ANKRD30A: variants seen among roughly 807,000 people sequenced by gnomAD.
The protein encoded by ANKRD30A is ankyrin repeat domain 30A.
A neutral mutation model predicts 166.3 loss-of-function variants in ANKRD30A; 170 were observed. The ratio of observed to expected loss-of-function variants is 1.02; its 90% CI spans 0.90 to 1.16. ANKRD30A has a LOEUF of 1.16. Ranked by LOEUF, ANKRD30A falls within the 50% of genes most tolerant of loss-of-function variation. The pLI, the probability that ANKRD30A is intolerant of heterozygous loss-of-function variation, is 0.00. For missense variants in ANKRD30A, 1,630 were observed against 1,518.0 expected (o/e 1.07, Z -1.23); for synonymous variants, 564 against 508.9 (o/e 1.11, Z -1.46).
chr10:37,158,014 G>A (rs1475972204), intron 13 of ANKRD30A, among the ~76,000 whole-genome samples: 1 of 151,850 alleles, frequency 6.6e-6, no homozygotes, highest in Non-Finnish European at 1.5e-5. Flanking sequence ...TCTCCCATTA[G>A]CTTAGTCATT....
intron 33 of ANKRD30A, among the ~76,000 whole-genome samples, chr10:37,218,470 T>C (rs1455648221): frequency 2.0e-5 from 3 of 150,928 alleles, no homozygotes; most frequent in Non-Finnish European, 3.0e-5. Context: ...TCTCAACTTA[T>C]CAAACATTCA....
the ANKRD30A span, among the ~76,000 whole-genome samples, chr10:37,245,788 AG>A: frequency 2.0e-5 from 3 of 152,192 alleles, no homozygotes; most frequent in African/African-American, 7.2e-5. Context: ...AAGGTCATGA[AG>A]TTTGCTGGCA....
At chr10:37,253,363 AATTT>A in the ANKRD30A span, among the ~76,000 whole-genome samples, 4 of 152,204 alleles carry the variant, frequency 2.6e-5, no homozygotes, top group African/African-American at 7.2e-5. Flanking sequence ...TATACCATAC[AATTT>A]ATTTAAAGTG....
At chr10:37,136,694 A>G in intron 6 of ANKRD30A, 23 bp downstream of exon 6, 1 of 1,324,312 alleles carries the variant, frequency 7.6e-7, no homozygotes. Flanking sequence ...ATAGTAAACT[A>G]CCCTTGGTGG....
chr10:37,214,540 G>GTA (rs140166249), intron 31 of ANKRD30A, among the ~76,000 whole-genome samples: 29,280 of 139,512 alleles, frequency 0.21, 2,945 homozygotes, highest in Middle Eastern at 0.26. Flanking sequence ...AGTTTTATAG[G>GTA]TATATATATA....
chr10:37,133,050 T>C (rs1478278414), intron 4 of ANKRD30A, among the ~76,000 whole-genome samples: 2 of 152,156 alleles, frequency 1.3e-5, no homozygotes, highest in Non-Finnish European at 2.9e-5. Context: ...TAAAATCATT[T>C]TGTCTTTAGG....
chr10:37,228,619 T>C lies in ANKRD30A; in HGVS notation c.4186-2842T>C, dbSNP rs1488441178. On this transcript the variant is annotated intron_variant, in intron 34 of 35. Coordinates refer to ENST00000361713, the MANE Select transcript of ANKRD30A (RefSeq NM_052997.3). ...TTGCCTCTTTGCTTCCCTGTCTTAC[T>C]GATTTCCTAACTTGAGGGGAAATCC... Among the ~76,000 whole-genome samples, 5 of 152,022 alleles carry C rather than the reference T, an allele frequency of 3.3e-5. No individual in the cohort carries two copies. In the East Asian group the frequency reaches 9.7e-4, roughly 29 times the overall value.
chr10:37,255,417 TA>T, the ANKRD30A span, among the ~76,000 whole-genome samples: 16 of 152,064 alleles, frequency 1.1e-4, no homozygotes, highest in Non-Finnish European at 1.6e-4. Flanking sequence ...TATATACAAT[TA>T]AAAAAATGGT....
At chr10:37,248,229 T>G in the ANKRD30A span, 1 of 623,542 alleles carries the variant, frequency 1.6e-6, no homozygotes, top group African/African-American at 1.8e-5. Flanking sequence ...TGCCAAAGAC[T>G]TCAACACAAG....
At chr10:37,191,910 G>T (rs1184212619) in intron 25 of ANKRD30A, among the ~76,000 whole-genome samples, 1 of 152,056 alleles carries the variant, frequency 6.6e-6, no homozygotes, top group Non-Finnish European at 1.5e-5. Flanking sequence ...CAAAAGAATG[G>T]CGTGAACCCG....
Position 37,125,853 on chromosome 10 carries a change from C to A in ANKRD30A, c.66C>A (p.Ser22Arg), listed in dbSNP as rs1835968916. ...VPGPERPSPFSQLVYTSNDSY... is the reference protein window; with the variant it reads ...VPGPERPSPFRQLVYTSNDSY... ...GCCCGGAGCGCCCGAGCCCTTTCAG[C>A]CAGCTAGTCTATACCAGCAACGACT... Residue 22 changes from serine to arginine, a missense_variant, in exon 1 of 36, where the codon AGC becomes AGA. This residue lies in a region of ANKRD30A where 904 missense variants were observed against 818.5 expected (regional missense o/e 1.10). Coordinates refer to ENST00000361713, the MANE Select transcript of ANKRD30A (RefSeq NM_052997.3). 1 of 1,308,896 alleles carries A rather than the reference C, an allele frequency of 7.6e-7. No individual in the cohort carries two copies. The highest frequency in any genetic ancestry group is 1.1e-6 in the Non-Finnish European group (1 of 923,078). The allele number at this position is 1,308,896 out of a possible 1,614,324, so 81.1% of individuals were successfully genotyped here.
intron 24 of ANKRD30A, among the ~76,000 whole-genome samples, chr10:37,177,105 AT>A (rs1839785927): frequency 2.1e-5 from 3 of 143,240 alleles, no homozygotes; most frequent in Admixed American, 7.0e-5. Context: ...ATCACCAAAA[AT>A]TTTGTCAAAA....
At chr10:37,165,000 A>G (rs1429218911) in intron 17 of ANKRD30A, 94 bp from the exon 18 acceptor site, 2 of 1,318,080 alleles carry the variant, frequency 1.5e-6, no homozygotes, top group Admixed American at 3.6e-5. Context: ...AGGAAAATCC[A>G]CAGATTCGTG....
intron 31 of ANKRD30A, 71 bp downstream of exon 31, chr10:37,201,396 T>C (rs1841617095): frequency 2.5e-6 from 3 of 1,198,350 alleles, no homozygotes; most frequent in Non-Finnish European, 3.4e-6. Flanking sequence ...AAGGATATGC[T>C]CTAATAGCTG....
Position 37,153,649 on chromosome 10 carries a change from T to C in ANKRD30A, c.1785T>C (p.Asn595=), listed in dbSNP as rs1164365577. Reference sequence around the variant, plus strand: ...ATCAAAAAGAAATAGATAAAATAAATGGAAAATTAGAAGGTAAGAACCGTT... The same window carrying C: ...ATCAAAAAGAAATAGATAAAATAAACGGAAAATTAGAAGGTAAGAACCGTT... The part of the protein sequence containing the change: ...ATHQKEIDKI[N]GKLEESPNKD... The change falls in exon 13 of 36, where the codon AAT becomes AAC. Residue 595 remains asparagine, a synonymous_variant. Coordinates refer to ENST00000361713, the MANE Select transcript of ANKRD30A (RefSeq NM_052997.3). The C allele has an allele frequency of 6.2e-7, 1 of 1,611,326 alleles. No homozygotes were observed. The highest frequency in any genetic ancestry group is 2.2e-5 in the East Asian group (1 of 44,804).
Position 37,133,996 on chromosome 10 carries a change from C to A in ANKRD30A, c.698C>A (p.Ala233Asp), listed in dbSNP as rs779728917. Residue 233 changes from alanine (A) to aspartate (D), a missense_variant, in exon 5 of 36, where the codon GCT (alanine) becomes GAT (aspartate). By Grantham distance (126) the Ala-to-Asp change is moderately radical. Coordinates refer to ENST00000361713, the MANE Select transcript of ANKRD30A (RefSeq NM_052997.3). ...MLLQQNVDVF[A>D]ADICGVTAEH... is the part of the protein sequence containing the mutation. ...CTTCAGCAAAATGTTGACGTCTTTG[C>A]TGCAGATATATGTGGAGTAACTGCA... The A allele has an allele frequency of 6.2e-7, 1 of 1,614,094 alleles. No individual in the cohort carries two copies. Among genetic ancestry groups the A allele is most frequent in the African/African-American group, 1.3e-5 (1 of 75,048 alleles).
At chr10:37,152,918 A>T (rs1194633615) in intron 12 of ANKRD30A, among the ~76,000 whole-genome samples, 4 of 152,140 alleles carry the variant, frequency 2.6e-5, no homozygotes, top group African/African-American at 9.7e-5. Flanking sequence ...AGACAAAAAG[A>T]CTTTAACACT....
At chr10:37,195,738 C>CA (rs1841030162) in intron 27 of ANKRD30A, among the ~76,000 whole-genome samples, 1 of 152,182 alleles carries the variant, frequency 6.6e-6, no homozygotes, top group East Asian at 1.9e-4. Context: ...ACTAAAAATA[C>CA]AAAAAATTAG....
chr10:37,159,117 A>C (rs1426107322), intron 15 of ANKRD30A, among the ~76,000 whole-genome samples: 2 of 152,200 alleles, frequency 1.3e-5, no homozygotes, highest in Non-Finnish European at 2.9e-5. Context: ...AAGAGTGACT[A>C]TAAAGCATTT....
Sources: gnomAD v4.1 joint callset for allele counts (sites outside exome capture counted in the v4.1 genomes callset) on GRCh38, gnomAD v4.1.1 for gene constraint, gnomAD v4.1.1 regional missense constraint, MANE v1.5 for transcripts, NCBI Gene and HGNC (gene_info 2026-07-23, HGNC 2026-07-21) for gene names.